CUL4B: variants seen among roughly 807,000 people sequenced by gnomAD.
CUL4B encodes the protein cullin-4B.
A neutral mutation model predicts 69.2 loss-of-function variants in CUL4B; 1 was observed. That is an observed-to-expected ratio of 0.01 (90% CI 0.01 to 0.07). The LOEUF is 0.07. Among genes scored for constraint, CUL4B ranks in the 10% least tolerant of loss-of-function variants. The pLI, the probability that CUL4B is intolerant of heterozygous loss-of-function variation, is 1.00. For synonymous variants in CUL4B, 237 were observed against 223.2 expected (o/e 1.06, Z -0.55); for missense variants, 328 against 638.8 (o/e 0.51, Z 5.24).
At chrX:120,552,112 C>A in intron 2 of CUL4B, among the ~76,000 whole-genome samples, 1 of 111,347 alleles carries the variant, frequency 9.0e-6, no homozygotes, top group Middle Eastern at 4.7e-3. Context: ...TGTATTTTTA[C>A]ATATTATGCA....
At chrX:120,541,768 G>C (rs776441778) in intron 9 of CUL4B, 48 bp from the exon 10 acceptor site, 1 of 770,303 alleles carries the variant, frequency 1.3e-6, no homozygotes, top group South Asian at 2.1e-5. Flanking sequence ...ACAAAAAAGT[G>C]AACAAGATTA....
chrX:120,571,555 A>G (rs1265156415), exon 3 of CUL4B: 2 of 111,477 alleles, frequency 1.8e-5, no homozygotes, highest in African/African-American at 6.5e-5. Context: ...TATTAATCAT[A>G]CAAATCCAAA....
rs1197164635 is a variant in CUL4B at position 120,532,573 on chromosome X, G to A, written c.2288C>T (p.Thr763Ile). The change falls in exon 18 of 20, where the codon ACA (threonine) becomes ATA (isoleucine). Residue 763 changes from threonine to isoleucine, a missense_variant. Transcript: ENST00000371322. ...TTTGCCACAGGCTAATGACTGCAGT[G>A]TTCTCCTTAACTCTCCATCCTCTGA... ...TGIEDGELRRTLQSLACGKAR... is the reference protein window; with the variant it reads ...TGIEDGELRRILQSLACGKAR... 8.3e-7 allele frequency: 1 copy of A among 1,208,969 alleles called. No homozygotes were observed. The highest frequency in any genetic ancestry group is 2.2e-5 in the Admixed American group (1 of 46,012).
chrX:120,546,658 G>T, intron 3 of CUL4B, 42 bp from the exon 4 acceptor site: 1 of 950,039 alleles, frequency 1.1e-6, no homozygotes, highest in Non-Finnish European at 1.5e-6. Context: ...TTTGGTACAA[G>T]TCATATGTGC....
chrX:120,573,112 C>G (rs1382642902), intron 2 of CUL4B, among the ~76,000 whole-genome samples: 1 of 111,287 alleles, frequency 9.0e-6, no homozygotes, highest in Non-Finnish European at 1.9e-5. Flanking sequence ...TGTCTTTTAC[C>G]TGTTAAATTT....
At chrX:120,555,424 C>T (rs1266601781) in intron 2 of CUL4B, among the ~76,000 whole-genome samples, 1 of 111,749 alleles carries the variant, frequency 8.9e-6, no homozygotes, top group East Asian at 2.8e-4. Flanking sequence ...AAAAATACTA[C>T]TAAAATTATA....
intron 2 of CUL4B, among the ~76,000 whole-genome samples, chrX:120,555,205 A>G (rs1399788439): frequency 8.9e-6 from 1 of 112,355 alleles, no homozygotes; most frequent in Non-Finnish European, 1.9e-5. Flanking sequence ...ATTTAACAGA[A>G]TCAATGTATC....
chrX:120,575,529 G>A (rs923414645), upstream of CUL4B: 3 of 112,285 alleles, frequency 2.7e-5, no homozygotes, highest in African/African-American at 9.7e-5. Context: ...GCTAGGTTCT[G>A]CCCGCCGAGG....
intron 3 of CUL4B, 43 bp downstream of exon 3, chrX:120,547,093 G>A (rs1342277143): frequency 1.1e-6 from 1 of 919,580 alleles, no homozygotes; most frequent in Admixed American, 2.2e-5. Flanking sequence ...GGGACAGAGA[G>A]GAAGACAAAA....
At chrX:120,566,371 A>G (rs867860273), upstream of CUL4B, among the ~76,000 whole-genome samples, 38 of 60,009 alleles carry the variant, frequency 6.3e-4, no homozygotes, top group Middle Eastern at 7.1e-3. Context: ...ATATATATAT[A>G]TATATATATA....
intron 2 of CUL4B, among the ~76,000 whole-genome samples, chrX:120,548,705 A>G (rs182560460): frequency 1.4e-3 from 155 of 109,780 alleles, no homozygotes; most frequent in Non-Finnish European, 2.3e-3. Context: ...ATGGTGGTGC[A>G]CGCCTGTAAT....
intron 18 of CUL4B, 26 bp downstream of exon 18, chrX:120,532,396 G>A (rs1923371269): frequency 1.8e-6 from 2 of 1,132,045 alleles, no homozygotes; most frequent in South Asian, 1.8e-5. Context: ...CAGTGTGTTA[G>A]GACTAAGAGA....
In CUL4B at chrX:120,557,867, T is replaced by C. The variant is rs935913749; in HGVS notation, c.672+57A>G. 1.8e-5 allele frequency: 15 copies of C among 815,866 alleles called. No homozygotes were observed. In the African/African-American group the frequency reaches 3.0e-4, roughly 16 times the overall value. The allele number at this position is 815,866 out of a possible 1,213,427, so 67.2% of individuals were successfully genotyped here. ...AACCTATTTCAGAAAGCAAAATCCA[T>C]ATACATCCCACCTCAATTTATGTTA... On this transcript the variant is annotated intron_variant, in intron 2 of 19. Coordinates refer to ENST00000371322, the MANE Select transcript of CUL4B (RefSeq NM_001079872.2).
intron 9 of CUL4B, 134 bp from the exon 10 acceptor site, chrX:120,541,854 G>A: frequency 2.0e-6 from 1 of 488,730 alleles, no homozygotes; most frequent in Non-Finnish European, 3.7e-6. Context: ...CTGTATGTGA[G>A]TTGTAATGTA....
chrX:120,559,915 C>A (rs1925183468), intron 1 of CUL4B, 168 bp downstream of exon 1: 2 of 1,136,006 alleles, frequency 1.8e-6, no homozygotes, highest in East Asian at 3.3e-5. Flanking sequence ...CCTAACCACC[C>A]CCGGAAAATG....
Position 120,560,931 on chromosome X carries a change from C to A in CUL4B, c.-293G>T, listed in dbSNP as rs1569396767. 3 of 751,051 alleles carry A rather than the reference C, an allele frequency of 4.0e-6. No homozygotes were observed. Among genetic ancestry groups the A allele is most frequent in the Non-Finnish European group, 4.7e-6 (3 of 638,426 alleles). The allele number at this position is 751,051 out of a possible 1,213,427, so 61.9% of individuals were successfully genotyped here. The stretch of plus-strand genomic sequence containing the variant: ...CTCCCCTGCTTTTCGATCTCTCTCC[C>A]CCCCTTTCTGCAGGAGCGACTCAGC... On this transcript the variant is annotated 5_prime_UTR_variant, in exon 1 of 20. Transcript: ENST00000371322.
downstream of CUL4B, among the ~76,000 whole-genome samples, chrX:120,568,774 C>T (rs898787427): frequency 1.8e-5 from 2 of 111,947 alleles, no homozygotes; most frequent in East Asian, 2.8e-4. Flanking sequence ...GAAGTAGGCT[C>T]AGCAAAGGAA....
At chrX:120,542,059 T>TC (rs1374732082) in intron 9 of CUL4B, among the ~76,000 whole-genome samples, 1 of 109,397 alleles carries the variant, frequency 9.1e-6, no homozygotes, top group Non-Finnish European at 1.9e-5. Context: ...TAAGACCCCC[T>TC]CCCCCTCTCT....
rs141093192 is a variant in CUL4B, at chrX:120,554,416, A to C, written c.672+3508T>G. On this transcript the variant is annotated intron_variant, in intron 2 of 19. Transcript: ENST00000371322. ...ATTAAAAACAAGCACGCAAACAAAC[A>C]AAACAGTCAAATGAAAACATTAATC... Among the ~76,000 whole-genome samples the C allele has an allele frequency of 4.4e-3, 496 of 112,351 alleles. 5 individuals are homozygous for C. Among genetic ancestry groups the C allele is most frequent in the African/African-American group, 0.015 (471 of 30,934 alleles).
Sources: gnomAD v4.1 joint callset for allele counts (sites outside exome capture counted in the v4.1 genomes callset) on GRCh38, gnomAD v4.1.1 for gene constraint, MANE v1.5 for transcripts, NCBI Gene and HGNC (gene_info 2026-07-23, HGNC 2026-07-21) for gene names.